WDSUB1: variants seen among roughly 807,000 people sequenced by gnomAD.
The protein encoded by WDSUB1 is WD repeat, SAM and U-box domain-containing protein 1.
WDSUB1 carries 49 observed loss-of-function variants against 53.9 expected under a neutral mutation model. That is an observed-to-expected ratio of 0.91 (90% confidence interval 0.72 to 1.15). WDSUB1 has a LOEUF of 1.15. Among genes scored for constraint, WDSUB1 ranks in the 50% most tolerant of loss-of-function variants. The pLI is 0.00. For synonymous variants in WDSUB1, 194 were observed against 200.6 expected, an observed-to-expected ratio of 0.97 and a Z score of 0.28; for missense variants, 514 against 562.0, an observed-to-expected ratio of 0.91 and a Z score of 0.86.
In WDSUB1 at chr2:159,236,133, G is replaced by C. The variant is rs140705867; in HGVS notation, c.1331C>G (p.Thr444Arg). The change falls in exon 11 of 11, where the codon ACA (threonine) becomes AGA (arginine). Residue 444 changes from threonine (T) to arginine (R), a missense_variant. Coordinates refer to ENST00000359774, the MANE Select transcript of WDSUB1 (RefSeq NM_001128212.3). The part of the protein sequence containing the change: ...MENWISKKKR[T>R]SPMTNLVLPS... ...AAGAACAAGATTTGTCATGGGACTTGTACGTTTCTTTTTGCTGATCCAATT... is the reference window on the plus strand; with the variant it reads ...AAGAACAAGATTTGTCATGGGACTTCTACGTTTCTTTTTGCTGATCCAATT... 1.2e-6 allele frequency: 2 copies of C among 1,613,634 alleles called. No homozygotes were observed. The highest frequency in any genetic ancestry group is 1.7e-6 in the Non-Finnish European group (2 of 1,179,844).
At chr2:159,275,034 TAA>T (rs746969502) in intron 4 of WDSUB1, among the ~76,000 whole-genome samples, 1 of 151,860 alleles carries the variant, frequency 6.6e-6, no homozygotes, top group African/African-American at 2.4e-5. Context: ...ATGTGGGGGA[TAA>T]AAAAAGAGAA....
intron 5 of WDSUB1, among the ~76,000 whole-genome samples, chr2:159,263,696 A>G (rs1409867182): frequency 1.3e-5 from 2 of 152,054 alleles, no homozygotes; most frequent in African/African-American, 2.4e-5. Flanking sequence ...GTCCTCAACA[A>G]CTCTTCCTGA....
In WDSUB1 at chr2:159,282,753, G is replaced by A; in HGVS notation, c.317C>T (p.Ser106Phe). ...SGSPVRVCQF[S>F]PDSTCLASGA... The stretch of plus-strand genomic sequence containing the variant: ...TGATGCCAAACACGTGGAGTCTGGG[G>A]AAAACTGGCAAACCCTCACAGGGCT... Residue 106 changes from serine to phenylalanine, a missense_variant, in exon 2 of 11, where the codon TCC becomes TTC. Ser to Phe is a radical substitution (Grantham distance 155). Coordinates refer to ENST00000359774, the MANE Select transcript of WDSUB1 (RefSeq NM_001128212.3). 1 of 1,614,178 alleles carries A rather than the reference G, an allele frequency of 6.2e-7. No homozygotes were observed. The highest frequency in any genetic ancestry group is 8.5e-7 in the Non-Finnish European group (1 of 1,180,040).
At chr2:159,274,490 G>A (rs557179064) in intron 4 of WDSUB1, among the ~76,000 whole-genome samples, 1 of 152,092 alleles carries the variant, frequency 6.6e-6, no homozygotes, top group Non-Finnish European at 1.5e-5. Context: ...AAAATGAACT[G>A]ACTGACTGTA....
intron 10 of WDSUB1, among the ~76,000 whole-genome samples, chr2:159,237,925 A>G (rs893423098): frequency 1.8e-5 from 1 of 55,162 alleles, no homozygotes; most frequent in Non-Finnish European, 5.2e-5. Flanking sequence ...CTAAAGCAGC[A>G]TATATAATCT....
chr2:159,282,215 C>T (rs1232812439), intron 2 of WDSUB1, among the ~76,000 whole-genome samples: 9 of 150,828 alleles, frequency 6.0e-5, no homozygotes, highest in Non-Finnish European at 1.3e-4. Flanking sequence ...TTTTTTGAGA[C>T]GGAGACTCGG....
chr2:159,236,029 A>C lies in WDSUB1; in HGVS notation c.*4T>G, dbSNP rs770077243. ...AAAATATAAATAATACAATATCAACAATTTTACTTTTGGTGTGTCTCCAGC... is the reference window on the plus strand; with the variant it reads ...AAAATATAAATAATACAATATCAACCATTTTACTTTTGGTGTGTCTCCAGC... On this transcript the variant is annotated 3_prime_UTR_variant, in exon 11 of 11. Coordinates refer to ENST00000359774, the MANE Select transcript of WDSUB1 (RefSeq NM_001128212.3). The C allele has an allele frequency of 6.3e-7, 1 of 1,589,894 alleles. No homozygotes were observed. The highest frequency in any genetic ancestry group is 8.5e-7 in the Non-Finnish European group (1 of 1,172,316).
rs2061797677 is a variant in WDSUB1, at chr2:159,286,301, G to GGCCTCTGTGGACTGAGCGACCCC, written c.-25+259_-25+281dup. ...ATGTGCCCCCCTCTATGAGCGGCCG[G>GGCCTCTGTGGACTGAGCGACCCC]GCCTCTGTGGACTGAGCGACCCCAG... is the stretch of plus-strand genomic sequence containing the variant. On this transcript the variant is annotated intron_variant, in intron 1 of 10. Transcript: ENST00000359774. The GGCCTCTGTGGACTGAGCGACCCC allele has an allele frequency of 3.3e-5, 5 of 152,664 alleles. No homozygotes were observed. The East Asian group carries it at 9.7e-4, about 29-fold the overall frequency. The allele number at this position is 152,664 out of a possible 1,614,324, so 9.5% of individuals were successfully genotyped here. A position where few individuals can be genotyped will look rare whatever the true frequency, so the allele number is the denominator to read the frequency against.
At chr2:159,264,309 T>A (rs149661553) in intron 5 of WDSUB1, among the ~76,000 whole-genome samples, 301 of 152,322 alleles carry the variant, frequency 2.0e-3, no homozygotes, top group African/African-American at 6.5e-3. Context: ...CTAAATGAAC[T>A]TACTTGTTCA....
rs552482572 is a variant in WDSUB1, at chr2:159,253,786, C to G, written c.1132+2410G>C. 3.3e-5 allele frequency among the ~76,000 whole-genome samples: 5 copies of G among 152,268 alleles called. No homozygotes were observed. The South Asian group carries it at 1.0e-3, about 32-fold the overall frequency. ...GACCAAATTTAATTCTCTATTAGTGCAATTTACTATTTTGAGGTCTATTTT... is the reference window on the plus strand; with the variant it reads ...GACCAAATTTAATTCTCTATTAGTGGAATTTACTATTTTGAGGTCTATTTT... On this transcript the variant is annotated intron_variant, in intron 9 of 10. Coordinates refer to ENST00000359774, the MANE Select transcript of WDSUB1 (RefSeq NM_001128212.3).
At position 159,282,733 on chromosome 2, in the gene WDSUB1, C is replaced by T. The variant is rs757218535; in HGVS notation, c.337G>A (p.Ala113Thr). Residue 113 changes from alanine to threonine, a missense_variant, in exon 2 of 11, where the codon GCA (alanine) becomes ACA (threonine). Coordinates refer to ENST00000359774, the MANE Select transcript of WDSUB1 (RefSeq NM_001128212.3). ...CQFSPDSTCL[A>T]SGAADGTVVL... ...ACAGTTCCATCAGCTGCCCCTGATG[C>T]CAAACACGTGGAGTCTGGGGAAAAC... The T allele has an allele frequency of 3.1e-6, 5 of 1,613,980 alleles. No homozygotes were observed. The East Asian group carries it at 1.1e-4, about 36-fold the overall frequency.
intron 10 of WDSUB1, among the ~76,000 whole-genome samples, chr2:159,238,339 T>C (rs903169601): frequency 1.3e-5 from 2 of 152,130 alleles, no homozygotes; most frequent in Non-Finnish European, 2.9e-5. Context: ...ACTTTAAAAG[T>C]CTTTGAAGAG....
chr2:159,276,320 A>T (rs2061540635), intron 3 of WDSUB1, among the ~76,000 whole-genome samples: 1 of 152,228 alleles, frequency 6.6e-6, no homozygotes, highest in Non-Finnish European at 1.5e-5. Context: ...TCAGCCTCCC[A>T]AAGTGCTGGG....
chr2:159,248,953 GT>G (rs2060884071), intron 9 of WDSUB1, among the ~76,000 whole-genome samples: 1 of 152,122 alleles, frequency 6.6e-6, no homozygotes, highest in Non-Finnish European at 1.5e-5. Flanking sequence ...CTGACATACT[GT>G]TTTACCGCAT....
chr2:159,250,088 C>CAAA (rs374038625), intron 9 of WDSUB1, among the ~76,000 whole-genome samples: 13 of 83,536 alleles, frequency 1.6e-4, no homozygotes, highest in South Asian at 4.5e-4. Flanking sequence ...GACTCTGCCT[C>CAAA]AAAAAAAAAA....
At position 159,236,029 on chromosome 2, in the gene WDSUB1, A is replaced by AATT. The variant is rs2060469761; in HGVS notation, c.*1_*3dup. 1.3e-6 allele frequency: 2 copies of AATT among 1,589,894 alleles called. No individual in the cohort carries two copies. The highest frequency in any genetic ancestry group is 2.7e-5 in the African/African-American group (2 of 73,588). ...AAAATATAAATAATACAATATCAAC[A>AATT]ATTTTACTTTTGGTGTGTCTCCAGC... On this transcript the variant is annotated 3_prime_UTR_variant, in exon 11 of 11. Coordinates refer to ENST00000359774, the MANE Select transcript of WDSUB1 (RefSeq NM_001128212.3).
At position 159,248,516 on chromosome 2, in the gene WDSUB1, A is replaced by G; in HGVS notation, c.1133-4T>C. On this transcript the variant is annotated splice_polypyrimidine_tract_variant and splice_region_variant and intron_variant, in intron 9 of 10. Transcript: ENST00000359774. ...TTACTACGCAGTCCTAGAGATTCTG[A>G]AAAGAAATTACTGTTAGGGCTGGAT... 1.3e-6 allele frequency: 2 copies of G among 1,494,206 alleles called. No homozygotes were observed. The highest frequency in any genetic ancestry group is 1.4e-5 in the African/African-American group (1 of 68,998). The allele number at this position is 1,494,206 out of a possible 1,614,324, so 92.6% of individuals were successfully genotyped here. A position where few individuals can be genotyped will look rare whatever the true frequency, so the allele number is the denominator to read the frequency against.
intron 10 of WDSUB1, among the ~76,000 whole-genome samples, chr2:159,247,254 G>A (rs938994577): frequency 1.3e-5 from 2 of 152,112 alleles, no homozygotes; most frequent in Admixed American, 1.3e-4. Flanking sequence ...AACTCATAAC[G>A]ATAAGACACT....
chr2:159,250,088 C>CAAAAAAAAAAAAAAAAAAAAAAAAAAA (rs374038625), intron 9 of WDSUB1, among the ~76,000 whole-genome samples: 13 of 83,542 alleles, frequency 1.6e-4, no homozygotes, highest in African/African-American at 4.3e-4. Flanking sequence ...GACTCTGCCT[C>CAAAAAAAAAAAAAAAAAAAAAAAAAAA]AAAAAAAAAA....
Sources: gnomAD v4.1 joint callset for allele counts (sites outside exome capture counted in the v4.1 genomes callset) on GRCh38, gnomAD v4.1.1 for gene constraint, MANE v1.5 for transcripts, NCBI Gene and HGNC (gene_info 2026-07-23, HGNC 2026-07-21) for gene names.